FKBP11: variants seen among roughly 807,000 people sequenced by gnomAD.
The protein encoded by FKBP11 is peptidyl-prolyl cis-trans isomerase FKBP11.
Under a neutral mutation model 24.7 loss-of-function variants are expected in FKBP11, and 21 were observed. The ratio of observed to expected loss-of-function variants is 0.85; its 90% CI spans 0.60 to 1.23. The LOEUF (loss-of-function observed/expected upper bound fraction) is 1.23. Among genes scored for constraint, FKBP11 ranks in the 50% most tolerant of loss-of-function variants. The probability of loss-of-function intolerance (pLI) is 0.00; values close to 1 mark genes in which losing one functional copy is unlikely to be tolerated. For missense variants in FKBP11, 245 were observed against 248.7 expected, an observed-to-expected ratio of 0.99 and a Z score of 0.10; for synonymous variants, 106 against 100.6, an observed-to-expected ratio of 1.05 and a Z score of -0.32.
chr12:48,938,197 G>C, the FKBP11 span: 1 of 351,292 alleles, frequency 2.8e-6, no homozygotes, highest in South Asian at 2.1e-5. Flanking sequence ...CCTAAGAAGG[G>C]TGGAGAGAAG....
chr12:48,934,183 T>C, the FKBP11 span, among the ~76,000 whole-genome samples: 1 of 152,192 alleles, frequency 6.6e-6, no homozygotes, highest in Non-Finnish European at 1.5e-5. Flanking sequence ...CCTTTAGACC[T>C]TATACCTCAA....
At chr12:48,925,578 C>T, upstream of FKBP11, 1 of 1,008,086 alleles carries the variant, frequency 9.9e-7, no homozygotes. Flanking sequence ...CCTTCCTCCA[C>T]CTTGTCCCCA....
chr12:48,937,809 G>A, the FKBP11 span: 1 of 153,552 alleles, frequency 6.5e-6, no homozygotes, highest in Non-Finnish European at 1.5e-5. Context: ...GGAGTACTAG[G>A]GTGAGAAAAT....
At position 48,924,650 on chromosome 12, in the gene FKBP11, T is replaced by TG; in HGVS notation, c.196-3dup. The TG allele has an allele frequency of 1.2e-6, 2 of 1,613,666 alleles. No homozygotes were observed. The highest frequency in any genetic ancestry group is 2.2e-5 in the East Asian group (1 of 44,868). ...AATACGTCCATCTACCAAGCTTCCCTGGGGGGAGAGAGCATCAAGAGCATA... is the reference window on the plus strand; with the variant it reads ...AATACGTCCATCTACCAAGCTTCCCTGGGGGGGAGAGAGCATCAAGAGCATA... On this transcript the variant is annotated splice_polypyrimidine_tract_variant and splice_region_variant and intron_variant, in intron 2 of 5. Coordinates refer to ENST00000550765, the MANE Select transcript of FKBP11 (RefSeq NM_016594.3).
At chr12:48,924,526 G>T in intron 3 of FKBP11, 35 bp downstream of exon 3, 1 of 1,577,860 alleles carries the variant, frequency 6.3e-7, no homozygotes, top group South Asian at 1.1e-5. Flanking sequence ...GGCTTAGGTT[G>T]GGAAGAGGTG....
chr12:48,932,250 TA>T, the FKBP11 span, among the ~76,000 whole-genome samples: 36 of 37,302 alleles, frequency 9.7e-4, no homozygotes, highest in African/African-American at 3.8e-3. Flanking sequence ...TATATATATA[TA>T]TATATATATA....
intron 5 of FKBP11, chr12:48,923,420 G>A: frequency 6.8e-7 from 1 of 1,479,900 alleles, no homozygotes; most frequent in South Asian, 1.3e-5. Flanking sequence ...AAAGGAAGGG[G>A]TGGGGGGTGG....
the FKBP11 span, among the ~76,000 whole-genome samples, chr12:48,933,568 G>A: frequency 6.6e-6 from 1 of 152,130 alleles, no homozygotes; most frequent in Non-Finnish European, 1.5e-5. Context: ...TGGGCATGGT[G>A]GCACATACCT....
chr12:48,923,121 C>A, intron 5 of FKBP11: 1 of 1,091,582 alleles, frequency 9.2e-7, no homozygotes. Flanking sequence ...GCACTCCAGC[C>A]TGGGCAACAA....
chr12:48,925,054 GTAT>G lies in FKBP11; in HGVS notation c.184_186del (p.Ile62del). On this transcript the variant is annotated inframe_deletion, in exon 2 of 6. Transcript: ENST00000550765. The stretch of plus-strand genomic sequence containing the variant: ...CCCCCCAGACCCCTCACCGTGTAGT[GTAT>G]GTGAAGCGTGTCTCCAAAAGCAGCG... 6.2e-7 allele frequency: 1 copy of G among 1,609,382 alleles called. No individual in the cohort carries two copies. The highest frequency in any genetic ancestry group is 8.5e-7 in the Non-Finnish European group (1 of 1,176,364).
Position 48,925,182 on chromosome 12 carries a change from C to T in FKBP11, c.130-71G>A, listed in dbSNP as rs751686113. On this transcript the variant is annotated intron_variant, in intron 1 of 5. Transcript: ENST00000550765. ...GTTCTCGCCCCTAGACCCGGCACCA[C>T]CCCCAACTCAGTTCCCGCACTTCCT... 9 of 1,591,436 alleles carry T rather than the reference C, an allele frequency of 5.7e-6. No individual in the cohort carries two copies. In the Admixed American group the frequency reaches 1.4e-4, roughly 24 times the overall value.
chr12:48,930,785 G>C (rs1351625017), upstream of FKBP11, among the ~76,000 whole-genome samples: 2 of 152,154 alleles, frequency 1.3e-5, no homozygotes, highest in Non-Finnish European at 2.9e-5. Flanking sequence ...TTTGGCTAAA[G>C]TAAGGGATTT....
chr12:48,923,083 G>A (rs1939871918), intron 5 of FKBP11: 1 of 939,688 alleles, frequency 1.1e-6, no homozygotes. Flanking sequence ...GGGTGGCGGA[G>A]GTTGTGGTGA....
chr12:48,925,300 C>G lies in FKBP11; in HGVS notation c.129G>C (p.Leu43=). The G allele has an allele frequency of 6.2e-7, 1 of 1,612,164 alleles. No individual in the cohort carries two copies. Among genetic ancestry groups the G allele is most frequent in the Non-Finnish European group, 8.5e-7 (1 of 1,179,516 alleles). The stretch of plus-strand genomic sequence containing the variant: ...CTGAGGGTCGGGACTATCTCCTCAC[C>G]AGGGTCTCCACTTGGAGGGTCCGGA... ...SPVRTLQVET[L]VEPPEPCAEP... Residue 43 remains leucine, a splice_region_variant and synonymous_variant, in exon 1 of 6, where the codon CTG becomes CTC. Coordinates refer to ENST00000550765, the MANE Select transcript of FKBP11 (RefSeq NM_016594.3).
the FKBP11 span, among the ~76,000 whole-genome samples, chr12:48,932,279 T>A: frequency 8.4e-4 from 53 of 63,130 alleles, no homozygotes; most frequent in South Asian, 4.4e-3. Flanking sequence ...TTTTTTTTTT[T>A]TTTTTTTTTT....
chr12:48,925,379 A>G lies in FKBP11; in HGVS notation c.50T>C (p.Leu17Pro). Residue 17 changes from leucine to proline, a missense_variant, in exon 1 of 6, where the codon CTG becomes CCG. Coordinates refer to ENST00000550765, the MANE Select transcript of FKBP11 (RefSeq NM_016594.3). ...LLPLHLLLLL[L>P]LSAAVCRAEA... ...AGCCCGGCACACCGCCGCACTGAGC[A>G]GCAGCAGCAGCAGCAGATGGAGCGG... 6.3e-7 allele frequency: 1 copy of G among 1,595,534 alleles called. No individual in the cohort carries two copies. The highest frequency in any genetic ancestry group is 1.1e-5 in the South Asian group (1 of 87,990).
rs1340619009 is a variant in FKBP11 at position 48,925,089 on chromosome 12, G to A, written c.152C>T (p.Ala51Val). The A allele has an allele frequency of 3.1e-6, 5 of 1,613,812 alleles. No homozygotes were observed. In the East Asian group the frequency reaches 1.1e-4, roughly 36 times the overall value. ...CGTGTCTCCAAAAGCAGCGGGCTCG[G>A]CACATGGTTCTGGGGGCTCCACCTA... ...ETLVEPPEPCAEPAAFGDTLH... is the reference protein window; with the variant it reads ...ETLVEPPEPCVEPAAFGDTLH... The change falls in exon 2 of 6, where the codon GCC becomes GTC. Residue 51 changes from alanine to valine, a missense_variant. Transcript: ENST00000550765.
chr12:48,938,668 TGAGA>T, the FKBP11 span: 12 of 422,108 alleles, frequency 2.8e-5, no homozygotes, highest in Non-Finnish European at 4.5e-5. Flanking sequence ...ACCCAGAGGG[TGAGA>T]GAGAGAGGGG....
rs768486984 is a variant in FKBP11, at chr12:48,922,183, T to TA, written c.406dup (p.Tyr136LeufsTer2). 1.2e-6 allele frequency: 2 copies of TA among 1,613,596 alleles called. No individual in the cohort carries two copies. Among genetic ancestry groups the TA allele is most frequent in the Non-Finnish European group, 1.7e-6 (2 of 1,179,730 alleles). ...GATTAGTGCAATCAGCTCCACGTCA[T>TA]ACTGCACCACTGCATCCGCTGGAGA... On this transcript the variant is annotated frameshift_variant, in exon 6 of 6. Coordinates refer to ENST00000550765, the MANE Select transcript of FKBP11 (RefSeq NM_016594.3). LOFTEE classifies it high-confidence loss of function.
Sources: allele counts gnomAD v4.1 joint callset (sites outside exome capture counted in the v4.1 genomes callset), GRCh38; gene constraint gnomAD v4.1.1; transcripts MANE v1.5; gene names NCBI Gene and HGNC (gene_info 2026-07-23, HGNC 2026-07-21).